The following TERB1 variants were observed in gnomAD, a reference collection of about 807,000 sequenced individuals.
TERB1 encodes the protein telomere repeats-binding bouquet formation protein 1.
TERB1 carries 63 observed loss-of-function variants against 92.3 expected under a neutral mutation model. That is an observed-to-expected ratio of 0.68 (90% CI 0.56 to 0.84). The LOEUF is 0.84. Among genes scored for constraint, TERB1 ranks in the 40% least tolerant of loss-of-function variants. TERB1 has a pLI of 0.00. For missense variants in TERB1, 709 were observed against 843.7 expected (o/e 0.84, Z 1.98); for synonymous variants, 252 against 283.9 (o/e 0.89, Z 1.13).
At chr16:66,757,235 C>CA (rs1275558698) in intron 18 of TERB1, among the ~76,000 whole-genome samples, 2 of 151,386 alleles carry the variant, frequency 1.3e-5, no homozygotes, top group Admixed American at 1.3e-4. Context: ...GTCTTACCTA[C>CA]AAAAAAAAGG....
At chr16:66,792,386 T>C (rs1430171058) in intron 3 of TERB1, among the ~76,000 whole-genome samples, 7 of 152,178 alleles carry the variant, frequency 4.6e-5, no homozygotes, top group Admixed American at 2.6e-4. Context: ...TGTTTGTTCG[T>C]ATCACCACTC....
At chr16:66,782,323 G>A (rs536570606) in intron 9 of TERB1, among the ~76,000 whole-genome samples, 6 of 152,292 alleles carry the variant, frequency 3.9e-5, no homozygotes, top group Admixed American at 2.6e-4. Context: ...GCCAAGGCGG[G>A]AGGATCACTT....
chr16:66,768,221 C>T (rs373483171), intron 14 of TERB1, 53 bp from the exon 15 acceptor site: 12 of 1,315,116 alleles, frequency 9.1e-6, no homozygotes, highest in African/African-American at 5.9e-5. Context: ...GTTTGGTGTG[C>T]GGACCAATGT....
chr16:66,797,577 G>T (rs1339356156), intron 2 of TERB1, among the ~76,000 whole-genome samples: 1 of 148,564 alleles, frequency 6.7e-6, no homozygotes, highest in Non-Finnish European at 1.5e-5. Context: ...TCATCTCATA[G>T]TTTCAGATTA....
intron 2 of TERB1, among the ~76,000 whole-genome samples, chr16:66,800,378 T>C (rs1050281605): frequency 7.4e-6 from 1 of 135,954 alleles, no homozygotes; most frequent in Admixed American, 7.6e-5. Context: ...AATAAATAAA[T>C]AAAAATAAAG....
At chr16:66,796,375 C>T (rs1316971632) in intron 3 of TERB1, among the ~76,000 whole-genome samples, 1 of 152,130 alleles carries the variant, frequency 6.6e-6, no homozygotes, top group African/African-American at 2.4e-5. Context: ...TCTTCCTCAG[C>T]TAAAACCTTA....
At chr16:66,768,910 C>A (rs1282235854) in intron 14 of TERB1, among the ~76,000 whole-genome samples, 1 of 151,864 alleles carries the variant, frequency 6.6e-6, no homozygotes, top group East Asian at 1.9e-4. Context: ...TCAAGGCCAG[C>A]CTGACCAACA....
chr16:66,789,583 CAAAAAAAAAAAAAAAAAAAAAAAAAAAAA>C (rs1168904056), intron 5 of TERB1, among the ~76,000 whole-genome samples: 6 of 5,662 alleles, frequency 1.1e-3, no homozygotes, highest in East Asian at 8.1e-3. Flanking sequence ...GACTCCGTCT[CAAAAAAAAAAAAAAAAAAAAAAAAAAAAA>C]AAAAAAAAAA....
intron 9 of TERB1, among the ~76,000 whole-genome samples, chr16:66,779,857 A>G (rs1225869975): frequency 6.6e-6 from 1 of 152,224 alleles, no homozygotes; most frequent in Non-Finnish European, 1.5e-5. Context: ...TTCTTGGAGC[A>G]TAAAATTATA....
intron 10 of TERB1, among the ~76,000 whole-genome samples, chr16:66,778,314 G>T (rs2018582903): frequency 6.6e-6 from 1 of 151,886 alleles, no homozygotes; most frequent in Non-Finnish European, 1.5e-5. Flanking sequence ...GACCAAGCTG[G>T]TCTCAAACTC....
chr16:66,795,114 T>A (rs1204533099), intron 3 of TERB1, among the ~76,000 whole-genome samples: 1 of 152,136 alleles, frequency 6.6e-6, no homozygotes, highest in Non-Finnish European at 1.5e-5. Flanking sequence ...ATTCTTAAAG[T>A]GCAATTCTAA....
intron 10 of TERB1, 102 bp downstream of exon 10, chr16:66,778,761 T>A: frequency 1.1e-6 from 1 of 949,448 alleles, no homozygotes; most frequent in East Asian, 3.0e-5. Context: ...GTGAGAAACT[T>A]AGTCTAAACC....
chr16:66,769,257 T>C (rs2018403087), intron 14 of TERB1, among the ~76,000 whole-genome samples: 1 of 152,060 alleles, frequency 6.6e-6, no homozygotes, highest in Non-Finnish European at 1.5e-5. Flanking sequence ...ACCTGAGCAA[T>C]CAAGTTAAAA....
intron 10 of TERB1, 63 bp downstream of exon 10, chr16:66,778,800 A>G: frequency 7.8e-7 from 1 of 1,285,784 alleles, no homozygotes; most frequent in Non-Finnish European, 1.0e-6. Flanking sequence ...CTATTTCAAC[A>G]CTCTTCATGC....
chr16:66,789,017 C>CAAAAAA (rs57876042), intron 5 of TERB1, among the ~76,000 whole-genome samples: 32 of 68,268 alleles, frequency 4.7e-4, no homozygotes, highest in African/African-American at 5.9e-4. Context: ...GGTATGGTAC[C>CAAAAAA]AAAAAAAAAA....
At position 66,770,036 on chromosome 16, in the gene TERB1, T is replaced by C. The variant is rs753757124; in HGVS notation, c.1546A>G (p.Lys516Glu). The C allele has an allele frequency of 1.3e-6, 2 of 1,551,802 alleles. No homozygotes were observed. Among genetic ancestry groups the C allele is most frequent in the Non-Finnish European group, 1.7e-6 (2 of 1,147,000 alleles). Residue 516 changes from lysine to glutamate, a missense_variant, in exon 14 of 19, where the codon AAA becomes GAA. Coordinates refer to ENST00000433154, the MANE Select transcript of TERB1 (RefSeq NM_001136505.2). ...TTTTGATTGCAGCTTGACTTGGCTT[T>C]ATATAAAGTCTTATTTTGCTCACTC... Reference protein sequence around the residue: ...RESEQNKTLYKAKSSCNQNLH... With the variant: ...RESEQNKTLYEAKSSCNQNLH...
Position 66,755,067 on chromosome 16 carries a change from C to T in TERB1, c.2093G>A (p.Trp698Ter). 6.4e-7 allele frequency: 1 copy of T among 1,551,564 alleles called. No individual in the cohort carries two copies. Among genetic ancestry groups the T allele is most frequent in the South Asian group, 1.2e-5 (1 of 84,062 alleles). ...CCGTCCTTGCTGAAAGGGGAAAGACCACAAAATTGAATTCCAGTGATTTCC... is the reference window on the plus strand; with the variant it reads ...CCGTCCTTGCTGAAAGGGGAAAGACTACAAAATTGAATTCCAGTGATTTCC... ...KMGNHWNSIL[W>*]SFPFQQGRKA... Residue 698 changes from tryptophan to a stop codon, truncating the protein, a stop_gained, in exon 19 of 19, where the codon TGG becomes TAG. Transcript: ENST00000433154. LOFTEE classifies it high-confidence loss of function.
In TERB1 at chr16:66,759,230, CAAG is replaced by C; in HGVS notation, c.1838_1840del (p.Ser613del). On this transcript the variant is annotated inframe_deletion, in exon 17 of 19. Transcript: ENST00000433154. ...TTTGTGACGATCACATTGGTATGGG[CAAG>C]AGTGCAAGAGCTTGCTAAAGTTTCG... 1 of 1,549,524 alleles carries C rather than the reference CAAG, an allele frequency of 6.5e-7. No individual in the cohort carries two copies. The highest frequency in any genetic ancestry group is 8.7e-7 in the Non-Finnish European group (1 of 1,146,402).
chr16:66,767,497 T>C lies in TERB1; in HGVS notation c.1698A>G (p.Leu566=), dbSNP rs2018367827. ...QQLPVTDPFT[L]CSDIINKEVV... Reference sequence around the variant, plus strand: ...CTTCTTTATTTATTATATCTGAACATAATGTAAATGGATCTGAAAAAAATT... The same window carrying C: ...CTTCTTTATTTATTATATCTGAACACAATGTAAATGGATCTGAAAAAAATT... Residue 566 remains leucine (L), a synonymous_variant, in exon 16 of 19, where the codon TTA becomes TTG. Coordinates refer to ENST00000433154, the MANE Select transcript of TERB1 (RefSeq NM_001136505.2). 6 of 1,480,914 alleles carry C rather than the reference T, an allele frequency of 4.1e-6. No homozygotes were observed. Among genetic ancestry groups the C allele is most frequent in the Non-Finnish European group, 5.4e-6 (6 of 1,106,928 alleles). 91.7% of individuals were successfully genotyped at this position (1,480,914 alleles called of 1,614,324 possible).
Sources: allele counts gnomAD v4.1 joint callset (sites outside exome capture counted in the v4.1 genomes callset), GRCh38; gene constraint gnomAD v4.1.1; transcripts MANE v1.5; gene names NCBI Gene and HGNC (gene_info 2026-07-23, HGNC 2026-07-21).